Variants in KIF1A observed in about 807,000 individuals in gnomAD.
KIF1A encodes kinesin-like protein KIF1A.
Under a neutral mutation model 227.3 loss-of-function variants are expected in KIF1A, and 46 were observed. The ratio of observed to expected loss-of-function variants is 0.20; its 90% CI spans 0.16 to 0.26. The LOEUF (loss-of-function observed/expected upper bound fraction) is 0.26. Ranked by LOEUF, KIF1A falls within the 10% of genes least tolerant of loss-of-function variation. The pLI, the probability that KIF1A is intolerant of heterozygous loss-of-function variation, is 1.00. For missense variants in KIF1A, 1,683 were observed against 2,485.9 expected (o/e 0.68, Z 6.87); for synonymous variants, 1,022 against 1,012.8 (o/e 1.01, Z -0.17).
At chr2:240,773,337 C>T in intron 12 of KIF1A, 81 bp from the exon 13 acceptor site, 2 of 1,552,866 alleles carry the variant, frequency 1.3e-6, no homozygotes, top group South Asian at 2.3e-5. Flanking sequence ...GAGCCCTGCC[C>T]AAGACCCAGC....
Position 240,771,031 on chromosome 2 carries a change from G to C in KIF1A, c.1281C>G (p.Ser427=). 1 of 1,613,272 alleles carries C rather than the reference G, an allele frequency of 6.2e-7. No individual in the cohort carries two copies. The highest frequency in any genetic ancestry group is 8.5e-7 in the Non-Finnish European group (1 of 1,179,836). ...SALSSRAASV[S]SLHERILFAP... ...CAAACAAGATGCGCTCGTGGAGGCT[G>C]GACACGGAGGCCGCGCGGCTGGACA... Residue 427 remains serine (S), a synonymous_variant, in exon 15 of 49, where the codon TCC becomes TCG. Transcript: ENST00000498729.
intron 25 of KIF1A, among the ~76,000 whole-genome samples, chr2:240,759,974 C>T (rs2050314761): frequency 6.6e-6 from 1 of 151,938 alleles, no homozygotes; most frequent in African/African-American, 2.4e-5. Context: ...CATGATCACA[C>T]CACTGCACTC....
rs1423152098 is a variant in KIF1A at position 240,787,335 on chromosome 2, A to G, written c.364-19T>C. On this transcript the variant is annotated intron_variant, in intron 4 of 48. Transcript: ENST00000498729. ...CGCAGAGCTGCAGGAATGGGGGGACAGTCAGCCAGGGAGGGCTGGGGCTGC... is the reference window on the plus strand; with the variant it reads ...CGCAGAGCTGCAGGAATGGGGGGACGGTCAGCCAGGGAGGGCTGGGGCTGC... 2 of 1,610,864 alleles carry G rather than the reference A, an allele frequency of 1.2e-6. No individual in the cohort carries two copies. Among genetic ancestry groups the G allele is most frequent in the African/African-American group, 2.7e-5 (2 of 74,856 alleles).
chr2:240,765,133 C>T (rs1344154055), intron 20 of KIF1A, among the ~76,000 whole-genome samples: 2 of 152,248 alleles, frequency 1.3e-5, no homozygotes, highest in Non-Finnish European at 2.9e-5. Flanking sequence ...ACCCTAACTG[C>T]GTGGGCAATA....
rs7562527 is a variant in KIF1A, at chr2:240,766,209, C to T, written c.1685-416G>A. Among the ~76,000 whole-genome samples, 316 of 152,358 alleles carry T rather than the reference C, an allele frequency of 2.1e-3. No homozygotes were observed. The highest frequency in any genetic ancestry group is 7.4e-3 in the African/African-American group (309 of 41,580). On this transcript the variant is annotated intron_variant, in intron 19 of 48. Transcript: ENST00000498729. This position sits in a 1 kb window ranked among gnomAD's most constrained non-coding sequence, Gnocchi z 5.0. ...GTCCCAACACCACTTAGGGCCATCA[C>T]CCTGAGGTGGCCAAGTTGGACAGTG...
chr2:240,768,008 G>A (rs1449568320), intron 17 of KIF1A, among the ~76,000 whole-genome samples: 1 of 152,228 alleles, frequency 6.6e-6, no homozygotes, highest in Non-Finnish European at 1.5e-5. Context: ...CCCCTGAGTG[G>A]GGAAGATGTC....
chr2:240,739,531 A>G lies in KIF1A; in HGVS notation c.3901+527T>C, dbSNP rs768724908. Reference sequence around the variant, plus strand: ...GTAAAGATGCAGTCAACCCTGGAGCAGGATGGGCCTCTAATCCAACCTGCC... The same window carrying G: ...GTAAAGATGCAGTCAACCCTGGAGCGGGATGGGCCTCTAATCCAACCTGCC... On this transcript the variant is annotated intron_variant, in intron 37 of 48. Transcript: ENST00000498729. The surrounding 1 kb of genome is among the most constrained non-coding windows in gnomAD (Gnocchi z 5.6). 1.2e-4 allele frequency among the ~76,000 whole-genome samples: 19 copies of G among 152,190 alleles called. No homozygotes were observed. The highest frequency in any genetic ancestry group is 1.9e-4 in the Non-Finnish European group (13 of 68,034).
chr2:240,765,547 A>G (rs565748155), intron 20 of KIF1A, among the ~76,000 whole-genome samples, 163 bp downstream of exon 20: 16 of 152,330 alleles, frequency 1.1e-4, no homozygotes, highest in African/African-American at 3.8e-4. Flanking sequence ...GGGGAGGCAC[A>G]TGAGCTGCTT....
intron 29 of KIF1A, 112 bp downstream of exon 29, chr2:240,747,109 GGGAAGAACCCCAAGA>G: frequency 1.5e-6 from 1 of 648,072 alleles, no homozygotes; most frequent in Non-Finnish European, 2.8e-6. Context: ...CTGGACCAGA[GGGAAGAACCCCAAGA>G]GGACTCAGGG....
At chr2:240,734,324 G>GGCAGCGGGCCAGCCA (rs1156728400) in intron 38 of KIF1A, among the ~76,000 whole-genome samples, 1 of 152,152 alleles carries the variant, frequency 6.6e-6, no homozygotes, top group African/African-American at 2.4e-5. Flanking sequence ...TGCAGCCAAG[G>GGCAGCGGGCCAGCCA]GCAGCGGGCC....
rs1001306058 is a variant in KIF1A at position 240,778,151 on chromosome 2, C to T, written c.883-2225G>A. Among the ~76,000 whole-genome samples the T allele has an allele frequency of 7.9e-5, 12 of 152,082 alleles. No homozygotes were observed. The highest frequency in any genetic ancestry group is 2.1e-4 in the South Asian group (1 of 4,822). The stretch of plus-strand genomic sequence containing the variant: ...CCCTTTATTCCTCCATTCAGGAAAA[C>T]GGCAGTCACTCGAATGCGGACCCCA... On this transcript the variant is annotated intron_variant, in intron 10 of 48. Coordinates refer to ENST00000498729, the MANE Select transcript of KIF1A (RefSeq NM_001244008.2). The surrounding 1 kb of genome is among the most constrained non-coding windows in gnomAD (Gnocchi z 7.2).
rs1559478941 is a variant in KIF1A at position 240,724,944 on chromosome 2, G to GCC, written c.4256+326_4256+327insGG. On this transcript the variant is annotated intron_variant, in intron 40 of 48. Coordinates refer to ENST00000498729, the MANE Select transcript of KIF1A (RefSeq NM_001244008.2). ...GAAGGTCACCGGCGGCGGGGGGGGG[G>GCC]GGGGGGGAACGGTGTGGCCCCAGGA... is the stretch of plus-strand genomic sequence containing the variant. The GCC allele has an allele frequency of 1.5e-5, 3 of 193,956 alleles. 1 individual carries two copies. Among genetic ancestry groups the GCC allele is most frequent in the African/African-American group, 7.3e-5 (3 of 41,028 alleles). The allele number at this position is 193,956 out of a possible 1,614,324, so 12.0% of individuals were successfully genotyped here.
chr2:240,746,823 A>T (rs1251011811), intron 29 of KIF1A, among the ~76,000 whole-genome samples: 1 of 152,182 alleles, frequency 6.6e-6, no homozygotes, highest in Non-Finnish European at 1.5e-5. Context: ...AGGCAGCCTC[A>T]GGGGGGCAGC....
chr2:240,781,768 G>A, intron 10 of KIF1A: 1 of 977,698 alleles, frequency 1.0e-6, no homozygotes, highest in Middle Eastern at 5.3e-4. Flanking sequence ...TTCCCCACAG[G>A]GGCCCTCAGC....
Position 240,722,525 on chromosome 2 carries a change from C to A in KIF1A, c.4596G>T (p.Pro1532=). Residue 1532 remains proline (P), a synonymous_variant, in exon 43 of 49, where the codon CCG becomes CCT. Coordinates refer to ENST00000498729, the MANE Select transcript of KIF1A (RefSeq NM_001244008.2). Reference sequence around the variant, plus strand: ...GTGATGGGCGGCCCTCAGCCGAGAGCGGGGAGGAGGCGCTGGAGGAGCCAT... The same window carrying A: ...GTGATGGGCGGCCCTCAGCCGAGAGAGGGGAGGAGGCGCTGGAGGAGCCAT... ...ESHGSSSASS[P]LSAEGRPSPL... is the part of the protein sequence containing the mutation. 1 of 1,548,340 alleles carries A rather than the reference C, an allele frequency of 6.5e-7. No homozygotes were observed. The highest frequency in any genetic ancestry group is 8.7e-7 in the Non-Finnish European group (1 of 1,146,690).
chr2:240,777,470 G>C (rs961416208), intron 10 of KIF1A, among the ~76,000 whole-genome samples: 2 of 152,042 alleles, frequency 1.3e-5, no homozygotes, highest in African/African-American at 4.8e-5. Flanking sequence ...CAGCCCCCTG[G>C]GTTTCCTGCT....
At chr2:240,735,494 C>G (rs373825990) in intron 38 of KIF1A, among the ~76,000 whole-genome samples, 89 of 152,286 alleles carry the variant, frequency 5.8e-4, no homozygotes, top group African/African-American at 2.0e-3. Flanking sequence ...GGGGCTGGAG[C>G]CCCTGCCCAC....
rs1174253803 is a variant in KIF1A at position 240,758,388 on chromosome 2, G to A, written c.2554C>T (p.Arg852Cys). 1 of 1,612,552 alleles carries A rather than the reference G, an allele frequency of 6.2e-7. No individual in the cohort carries two copies. Among genetic ancestry groups the A allele is most frequent in the Non-Finnish European group, 8.5e-7 (1 of 1,179,168 alleles). Residue 852 changes from arginine (R) to cysteine (C), a missense_variant, in exon 26 of 49, where the codon CGC (arginine) becomes TGC (cysteine). Physicochemically the swap from Arg to Cys is radical, Grantham distance 180. Coordinates refer to ENST00000498729, the MANE Select transcript of KIF1A (RefSeq NM_001244008.2). The surrounding 1 kb of genome is among the most constrained non-coding windows in gnomAD (Gnocchi z 5.2). Reference sequence around the variant, plus strand: ...CCCACCAGCCGGAACCAGGGGAAGCGGTCATAGAAGGGGTCTCCGCCGGTC... The same window carrying A: ...CCCACCAGCCGGAACCAGGGGAAGCAGTCATAGAAGGGGTCTCCGCCGGTC... ...VVTGGDPFYD[R>C]FPWFRLVGSS...
chr2:240,748,247 C>T (rs370814450), intron 28 of KIF1A, among the ~76,000 whole-genome samples: 110 of 152,282 alleles, frequency 7.2e-4, no homozygotes, highest in Middle Eastern at 3.4e-3. Context: ...TCCTAACTGG[C>T]GACACTCATC....
Sources: gnomAD v4.1 joint callset for allele counts (sites outside exome capture counted in the v4.1 genomes callset) on GRCh38, gnomAD v4.1.1 for gene constraint, Gnocchi (gnomAD v3.1) non-coding constraint, MANE v1.5 for transcripts, NCBI Gene and HGNC (gene_info 2026-07-23, HGNC 2026-07-21) for gene names.